NMNAT2: variants seen among roughly 807,000 people sequenced by gnomAD.
NMNAT2 encodes the protein nicotinamide/nicotinic acid mononucleotide adenylyltransferase 2.
Under a neutral mutation model 41.6 loss-of-function variants are expected in NMNAT2, and 11 were observed. The ratio of observed to expected loss-of-function variants is 0.26; its 90% CI spans 0.17 to 0.44. NMNAT2 has a LOEUF of 0.44. Among genes scored for constraint, NMNAT2 ranks in the 20% least tolerant of loss-of-function variants. The pLI, the probability that NMNAT2 is intolerant of heterozygous loss-of-function variation, is 1.00. For synonymous variants in NMNAT2, 148 were observed against 151.2 expected, an observed-to-expected ratio of 0.98 and a Z score of 0.16; for missense variants, 288 against 407.7, an observed-to-expected ratio of 0.71 and a Z score of 2.53.
At chr1:183,267,947 A>G (rs1660862397) in intron 8 of NMNAT2, among the ~76,000 whole-genome samples, 1 of 152,106 alleles carries the variant, frequency 6.6e-6, no homozygotes, top group Admixed American at 6.5e-5. Context: ...GCACTGGCAT[A>G]TGTCGAGCCT....
chr1:183,331,760 C>A (rs530885779), intron 1 of NMNAT2, among the ~76,000 whole-genome samples: 1 of 152,272 alleles, frequency 6.6e-6, no homozygotes, highest in East Asian at 1.9e-4. Flanking sequence ...TAGCCAGCCG[C>A]ACGCCCCACG....
chr1:183,291,180 G>C (rs1661531181), intron 3 of NMNAT2, among the ~76,000 whole-genome samples: 1 of 152,182 alleles, frequency 6.6e-6, no homozygotes, highest in Admixed American at 6.5e-5. Flanking sequence ...GCCTCCCAAA[G>C]TGCTGGGATT....
intron 1 of NMNAT2, among the ~76,000 whole-genome samples, chr1:183,388,865 GA>G (rs1557897248): frequency 6.6e-6 from 1 of 152,144 alleles, no homozygotes; most frequent in East Asian, 1.9e-4. Context: ...ATGAGTTCTT[GA>G]AAAAGAATGG....
intron 6 of NMNAT2, among the ~76,000 whole-genome samples, chr1:183,284,244 C>T (rs1661343098): frequency 6.6e-6 from 1 of 152,216 alleles, no homozygotes; most frequent in Non-Finnish European, 1.5e-5. Flanking sequence ...CCAGGAGCAG[C>T]ACTTCACATT....
At chr1:183,370,832 C>T (rs1053978585) in intron 1 of NMNAT2, among the ~76,000 whole-genome samples, 19 of 152,220 alleles carry the variant, frequency 1.2e-4, no homozygotes, top group Admixed American at 2.6e-4. Flanking sequence ...AACTTCTGTC[C>T]CTTGACTGGC....
intron 1 of NMNAT2, among the ~76,000 whole-genome samples, chr1:183,361,718 G>T (rs1663310171): frequency 6.6e-6 from 1 of 152,224 alleles, no homozygotes; most frequent in South Asian, 2.1e-4. Flanking sequence ...ATTTTGTGAA[G>T]TATCTCCCCA....
At chr1:183,313,616 G>A (rs1206970079) in intron 1 of NMNAT2, among the ~76,000 whole-genome samples, 1 of 152,106 alleles carries the variant, frequency 6.6e-6, no homozygotes, top group African/African-American at 2.4e-5. Flanking sequence ...CCCTCTGGTA[G>A]CTGGGATTAC....
At chr1:183,311,728 C>T (rs1443909182) in intron 1 of NMNAT2, among the ~76,000 whole-genome samples, 2 of 58,386 alleles carry the variant, frequency 3.4e-5, no homozygotes, top group Admixed American at 1.7e-4. Context: ...TCCCTACACA[C>T]ACACACACAC....
At chr1:183,370,223 TACACACACACACACACACACACACAC>T (rs57569629) in intron 1 of NMNAT2, among the ~76,000 whole-genome samples, 3 of 112,734 alleles carry the variant, frequency 2.7e-5, no homozygotes, top group East Asian at 2.7e-4. Flanking sequence ...TATCAACACA[TACACACACACACACACACACACACAC>T]ACACACACAC....
At chr1:183,273,862 C>CG (rs1661055693) in intron 8 of NMNAT2, among the ~76,000 whole-genome samples, 1 of 66,888 alleles carries the variant, frequency 1.5e-5, no homozygotes, top group Non-Finnish European at 2.5e-5. Flanking sequence ...TTCCTTCCTT[C>CG]CTTCCTTCCT....
chr1:183,299,109 T>C (rs1661779874), intron 1 of NMNAT2, among the ~76,000 whole-genome samples: 1 of 152,172 alleles, frequency 6.6e-6, no homozygotes. Flanking sequence ...CCGTGGCTCA[T>C]GCCTGTAATC....
chr1:183,279,769 C>T (rs950191771), intron 7 of NMNAT2, among the ~76,000 whole-genome samples: 13 of 152,212 alleles, frequency 8.5e-5, no homozygotes, highest in Non-Finnish European at 1.6e-4. Context: ...GGGCAGCCTT[C>T]CCACGTAAGG....
At chr1:183,413,602 CTTTTTTTT>C (rs71130613) in intron 1 of NMNAT2, among the ~76,000 whole-genome samples, 2 of 82,532 alleles carry the variant, frequency 2.4e-5, no homozygotes, top group African/African-American at 9.4e-5. Flanking sequence ...TCTTTTCTTT[CTTTTTTTT>C]TTTTTTTTTT....
intron 1 of NMNAT2, among the ~76,000 whole-genome samples, chr1:183,305,979 C>A (rs1177105720): frequency 6.6e-6 from 1 of 152,170 alleles, no homozygotes; most frequent in Non-Finnish European, 1.5e-5. Context: ...GCTTCGGCCT[C>A]CCAAAGTGCT....
chr1:183,406,819 T>G lies in NMNAT2; in HGVS notation c.85+11364A>C. Among the ~76,000 whole-genome samples, 2 of 144,402 alleles carry G rather than the reference T, an allele frequency of 1.4e-5. 1 individual carries two copies. Among genetic ancestry groups the G allele is most frequent in the South Asian group, 4.7e-4 (2 of 4,278 alleles). The allele number at this position is 144,402 out of a possible 152,430, so 94.7% of individuals were successfully genotyped here. On this transcript the variant is annotated intron_variant, in intron 1 of 10. Transcript: ENST00000287713. Reference sequence around the variant, plus strand: ...TCAACTGCTCTGCCATTCCTTTTTTTTTTTTTTTTTTTTTTTTGAGACAGA... The same window carrying G: ...TCAACTGCTCTGCCATTCCTTTTTTGTTTTTTTTTTTTTTTTTGAGACAGA...
chr1:183,325,920 C>A, intron 1 of NMNAT2, among the ~76,000 whole-genome samples: 1 of 152,180 alleles, frequency 6.6e-6, no homozygotes, highest in East Asian at 1.9e-4. Context: ...GTGGACCAAA[C>A]AGACATGGTC....
intron 8 of NMNAT2, among the ~76,000 whole-genome samples, chr1:183,276,759 T>C (rs1326290157): frequency 6.6e-6 from 1 of 152,256 alleles, no homozygotes; most frequent in Admixed American, 6.5e-5. Context: ...TTTGATGAGC[T>C]CTTGTACAGA....
At chr1:183,324,226 C>T (rs1008439357) in intron 1 of NMNAT2, among the ~76,000 whole-genome samples, 2 of 152,096 alleles carry the variant, frequency 1.3e-5, no homozygotes, top group Admixed American at 1.3e-4. Flanking sequence ...ACACACAAGC[C>T]CCTTGGAATT....
intron 1 of NMNAT2, among the ~76,000 whole-genome samples, chr1:183,390,596 G>A (rs749304112): frequency 2.0e-5 from 3 of 152,204 alleles, no homozygotes; most frequent in Non-Finnish European, 4.4e-5. Flanking sequence ...TGATTTAAGA[G>A]AGCACTTAAA....
Sources: allele counts gnomAD v4.1 joint callset (sites outside exome capture counted in the v4.1 genomes callset), GRCh38; gene constraint gnomAD v4.1.1; transcripts MANE v1.5; gene names NCBI Gene and HGNC (gene_info 2026-07-23, HGNC 2026-07-21).